The following ASCC3 variants were observed in gnomAD, a reference collection of about 807,000 sequenced individuals.
The protein encoded by ASCC3 is ASC-1 complex subunit P200.
In ASCC3, 158 loss-of-function variants were observed where a neutral mutation model predicts 256.3. The ratio of observed to expected loss-of-function variants is 0.62; its 90% CI spans 0.54 to 0.70. The LOEUF (loss-of-function observed/expected upper bound fraction) is 0.70, where lower values mean the gene tolerates loss of function less well. Ranked by LOEUF, ASCC3 falls within the 30% of genes least tolerant of loss-of-function variation. The pLI is 0.00. For missense variants in ASCC3, 2,259 were observed against 2,626.0 expected, an observed-to-expected ratio of 0.86 and a Z score of 3.05; for synonymous variants, 948 against 883.4, an observed-to-expected ratio of 1.07 and a Z score of -1.30.
At position 100,547,799 on chromosome 6, in the gene ASCC3, A is replaced by T. The variant is rs149616969; in HGVS notation, c.5551-7412T>A. Reference sequence around the variant, plus strand: ...CTATTCCATTCCTAGGGATTTACCCAAGAGAAAAGAAGGTGTATGTCCATA... The same window carrying T: ...CTATTCCATTCCTAGGGATTTACCCTAGAGAAAAGAAGGTGTATGTCCATA... On this transcript the variant is annotated intron_variant, in intron 36 of 41. Coordinates refer to ENST00000369162, the MANE Select transcript of ASCC3 (RefSeq NM_006828.4). Among the ~76,000 whole-genome samples, 15 of 152,060 alleles carry T rather than the reference A, an allele frequency of 9.9e-5. 1 individual carries two copies. The highest frequency in any genetic ancestry group is 3.6e-4 in the African/African-American group (15 of 41,526).
In ASCC3 at chr6:100,798,927, T is replaced by C. The variant is rs148398922; in HGVS notation, c.1270-89A>G. On this transcript the variant is annotated intron_variant, in intron 7 of 41. Transcript: ENST00000369162. ...TTCTTTAGAGAGAGACAGAAAACAC[T>C]ACTGGTTTTATAACAAAGCACTGGT... The C allele has an allele frequency of 4.0e-3, 4,755 of 1,178,186 alleles. 18 individuals are homozygous for C. The highest frequency in any genetic ancestry group is 7.1e-3 in the Middle Eastern group (26 of 3,664). The allele number at this position is 1,178,186 out of a possible 1,614,324, so 73.0% of individuals were successfully genotyped here.
intron 5 of ASCC3, among the ~76,000 whole-genome samples, chr6:100,804,604 A>T (rs1300527441): frequency 6.6e-6 from 1 of 152,146 alleles, no homozygotes; most frequent in Admixed American, 6.6e-5. Flanking sequence ...TGGGCAAAGG[A>T]CATTAACAGA....
At chr6:100,587,309 A>T (rs118008731) in intron 36 of ASCC3, among the ~76,000 whole-genome samples, 1 of 152,164 alleles carries the variant, frequency 6.6e-6, no homozygotes, top group Non-Finnish European at 1.5e-5. Flanking sequence ...GTAAAAAAAA[A>T]AAAAAGTCAT....
At chr6:100,535,638 CT>C (rs772950035) in intron 37 of ASCC3, among the ~76,000 whole-genome samples, 2 of 151,784 alleles carry the variant, frequency 1.3e-5, no homozygotes, top group Non-Finnish European at 2.9e-5. Flanking sequence ...CCGGCTAATT[CT>C]TGTATTTTTA....
At chr6:100,540,090 T>C in intron 37 of ASCC3, 73 bp downstream of exon 37, 1 of 1,377,634 alleles carries the variant, frequency 7.3e-7, no homozygotes, top group Non-Finnish European at 1.0e-6. Context: ...GTACATTTTA[T>C]CCTAAAACTA....
At chr6:100,799,969 T>C (rs986365942) in intron 6 of ASCC3, among the ~76,000 whole-genome samples, 14 of 152,182 alleles carry the variant, frequency 9.2e-5, no homozygotes, top group East Asian at 1.9e-4. Flanking sequence ...AAAAGGTACA[T>C]TGAGCACAGA....
At chr6:100,698,876 C>T (rs1778210912) in intron 13 of ASCC3, among the ~76,000 whole-genome samples, 1 of 152,016 alleles carries the variant, frequency 6.6e-6, no homozygotes, top group African/African-American at 2.4e-5. Flanking sequence ...GTTTTGCCCC[C>T]CTGATCTTAT....
intron 8 of ASCC3, among the ~76,000 whole-genome samples, chr6:100,774,720 C>T (rs1782106915): frequency 6.6e-6 from 1 of 152,024 alleles, no homozygotes; most frequent in Non-Finnish European, 1.5e-5. Flanking sequence ...TCAGACTGGT[C>T]TTTGAACTCC....
intron 14 of ASCC3, among the ~76,000 whole-genome samples, chr6:100,676,412 A>C (rs1476237008): frequency 6.6e-6 from 1 of 152,160 alleles, no homozygotes; most frequent in Non-Finnish European, 1.5e-5. Flanking sequence ...GTAAAATCAC[A>C]ACCAGACCTT....
At chr6:100,718,481 G>A (rs569386974) in intron 11 of ASCC3, among the ~76,000 whole-genome samples, 1 of 152,104 alleles carries the variant, frequency 6.6e-6, no homozygotes, top group South Asian at 2.1e-4. Context: ...CATGAGGGGT[G>A]AGTGTGTTGG....
chr6:100,878,127 C>G (rs1017595917), intron 1 of ASCC3, among the ~76,000 whole-genome samples: 1 of 152,168 alleles, frequency 6.6e-6, no homozygotes, highest in Admixed American at 6.5e-5. Flanking sequence ...CATTCTTAAG[C>G]AAGAAGCAAT....
chr6:100,583,360 G>T (rs1005290837), intron 36 of ASCC3, among the ~76,000 whole-genome samples: 8 of 152,024 alleles, frequency 5.3e-5, no homozygotes, highest in African/African-American at 1.4e-4. Context: ...CTAGATTTTT[G>T]AGTTTATTTG....
chr6:100,528,184 A>G (rs1774683924), intron 37 of ASCC3, among the ~76,000 whole-genome samples: 1 of 152,212 alleles, frequency 6.6e-6, no homozygotes, highest in Non-Finnish European at 1.5e-5. Flanking sequence ...AAAATAGATT[A>G]AAGATAAAAT....
chr6:100,715,944 G>A (rs1779068432), intron 12 of ASCC3, among the ~76,000 whole-genome samples: 1 of 151,700 alleles, frequency 6.6e-6, no homozygotes, highest in African/African-American at 2.4e-5. Context: ...GATTCTAAAT[G>A]TTGCGAGAAC....
intron 4 of ASCC3, among the ~76,000 whole-genome samples, chr6:100,840,988 C>T (rs958092096): frequency 3.3e-5 from 5 of 151,722 alleles, no homozygotes; most frequent in African/African-American, 7.3e-5. Context: ...ACTGTGGCTT[C>T]ATTAGTAGCC....
chr6:100,859,274 A>G (rs1271174749), intron 3 of ASCC3: 11 of 777,544 alleles, frequency 1.4e-5, no homozygotes, highest in Non-Finnish European at 2.4e-5. Flanking sequence ...CTTGGCCCCA[A>G]AAATCTTCAC....
At chr6:100,835,875 C>T (rs1771851397) in intron 4 of ASCC3, among the ~76,000 whole-genome samples, 1 of 152,102 alleles carries the variant, frequency 6.6e-6, no homozygotes, top group East Asian at 1.9e-4. Context: ...TCTTCCAATT[C>T]ACCAGTACAA....
chr6:100,747,240 A>G (rs1052025365), intron 10 of ASCC3, among the ~76,000 whole-genome samples: 1 of 152,130 alleles, frequency 6.6e-6, no homozygotes, highest in African/African-American at 2.4e-5. Context: ...AACTAAAATT[A>G]CAAAGAGTAC....
chr6:100,625,788 T>C (rs1459412331), intron 29 of ASCC3, among the ~76,000 whole-genome samples: 1 of 152,120 alleles, frequency 6.6e-6, no homozygotes, highest in Non-Finnish European at 1.5e-5. Flanking sequence ...ACGGAAAATG[T>C]CTAGAAAGAC....
Sources: allele counts gnomAD v4.1 joint callset (sites outside exome capture counted in the v4.1 genomes callset), GRCh38; gene constraint gnomAD v4.1.1; transcripts MANE v1.5; gene names NCBI Gene and HGNC (gene_info 2026-07-23, HGNC 2026-07-21).